The following OSBPL6 variants were observed in gnomAD, a reference collection of about 807,000 sequenced individuals.
The protein encoded by OSBPL6 is oxysterol binding protein like 6.
A neutral mutation model predicts 125.8 loss-of-function variants in OSBPL6; 49 were observed. The ratio of observed to expected loss-of-function variants is 0.39; its 90% confidence interval spans 0.31 to 0.49. OSBPL6 has a LOEUF of 0.49. Ranked by LOEUF, OSBPL6 falls within the 20% of genes least tolerant of loss-of-function variation. The pLI is 0.88. For missense variants in OSBPL6, 986 were observed against 1,135.4 expected (o/e 0.87, Z 1.89); for synonymous variants, 394 against 391.8 (o/e 1.01, Z -0.07).
At chr2:178,216,290 G>A (rs1158788106) in intron 1 of OSBPL6, among the ~76,000 whole-genome samples, 1 of 152,158 alleles carries the variant, frequency 6.6e-6, no homozygotes, top group African/African-American at 2.4e-5. Flanking sequence ...AGTGAATTGA[G>A]AAAGCAGAGG....
At position 178,392,468 on chromosome 2, in the gene OSBPL6, C is replaced by A; in HGVS notation, c.2503C>A (p.Leu835Ile). 6.2e-7 allele frequency: 1 copy of A among 1,614,096 alleles called. No individual in the cohort carries two copies. The highest frequency in any genetic ancestry group is 1.3e-5 in the African/African-American group (1 of 75,024). Reference protein sequence around the residue: ...YYGFTRFAIELNELDPVLKDL... With the variant: ...YYGFTRFAIEINELDPVLKDL... ...TGGCTTCACAAGGTTTGCTATTGAGCTCAATGAGTTAGATCCAGTACTAAA... is the reference window on the plus strand; with the variant it reads ...TGGCTTCACAAGGTTTGCTATTGAGATCAATGAGTTAGATCCAGTACTAAA... The change falls in exon 23 of 25, where the codon CTC becomes ATC. Residue 835 changes from leucine to isoleucine, a missense_variant. By Grantham distance (5) the Leu-to-Ile change is conservative. Transcript: ENST00000190611.
At chr2:178,313,683 C>T (rs1354633062) in intron 3 of OSBPL6, among the ~76,000 whole-genome samples, 5 of 152,204 alleles carry the variant, frequency 3.3e-5, no homozygotes, top group Non-Finnish European at 1.5e-5. Context: ...GTATAATGGT[C>T]CATCTTTTAA....
At chr2:178,376,998 A>G (rs1055009771) in intron 15 of OSBPL6, among the ~76,000 whole-genome samples, 2 of 152,256 alleles carry the variant, frequency 1.3e-5, no homozygotes, top group Non-Finnish European at 2.9e-5. Flanking sequence ...GACAGATATT[A>G]TGATGTTCTC....
In OSBPL6 at chr2:178,336,290, G is replaced by A; in HGVS notation, c.658-11G>A. The A allele has an allele frequency of 6.2e-7, 1 of 1,612,072 alleles. No homozygotes were observed. Among genetic ancestry groups the A allele is most frequent in the Non-Finnish European group, 8.5e-7 (1 of 1,179,294 alleles). On this transcript the variant is annotated splice_polypyrimidine_tract_variant and intron_variant, in intron 8 of 24. Coordinates refer to ENST00000190611, the MANE Select transcript of OSBPL6 (RefSeq NM_032523.4). ...TTTCATAACCATACAATTCATCTTT[G>A]TTTGCCGTAGATGCAACCAAACAGC...
At chr2:178,373,737 T>C (rs957707896) in intron 14 of OSBPL6, among the ~76,000 whole-genome samples, 153 bp from the exon 15 acceptor site, 1 of 152,238 alleles carries the variant, frequency 6.6e-6, no homozygotes, top group African/African-American at 2.4e-5. Flanking sequence ...AGGAAACTTA[T>C]ACAGTGATCA....
chr2:178,368,666 T>A (rs1474614647), intron 13 of OSBPL6, among the ~76,000 whole-genome samples: 1 of 152,074 alleles, frequency 6.6e-6, no homozygotes, highest in African/African-American at 2.4e-5. Context: ...CTACAGGAGA[T>A]CTTTGGCTTT....
At chr2:178,395,416 A>T (rs758941822) in intron 24 of OSBPL6, 35 bp from the exon 25 acceptor site, 3 of 1,483,996 alleles carry the variant, frequency 2.0e-6, no homozygotes, top group Non-Finnish European at 2.8e-6. Context: ...CCTTGATGTG[A>T]TTCATGACTA....
At chr2:178,197,706 C>A (rs2088988269) in intron 1 of OSBPL6, among the ~76,000 whole-genome samples, 1 of 151,946 alleles carries the variant, frequency 6.6e-6, no homozygotes, top group Admixed American at 6.6e-5. Context: ...TCTTATTACA[C>A]TGTATTTACC....
intron 4 of OSBPL6, among the ~76,000 whole-genome samples, chr2:178,325,042 C>T (rs146029652): frequency 2.3e-3 from 355 of 152,312 alleles, no homozygotes; most frequent in Admixed American, 5.6e-3. Flanking sequence ...CCAGTGTTCC[C>T]TCCCCTTCAG....
rs1054710978 is a variant in OSBPL6, at chr2:178,386,847, T to C, written c.2078-214T>C. ...AAACATAGATAGTGGGGGTTTTTTT[T>C]AGTTTTGTTTGTTTGTTTGTTTGTT... On this transcript the variant is annotated intron_variant, in intron 19 of 24. Coordinates refer to ENST00000190611, the MANE Select transcript of OSBPL6 (RefSeq NM_032523.4). 5.7e-4 allele frequency among the ~76,000 whole-genome samples: 86 copies of C among 151,246 alleles called. 1 individual carries two copies. Among genetic ancestry groups the C allele is most frequent in the Non-Finnish European group, 1.0e-3 (71 of 67,860 alleles).
At position 178,306,054 on chromosome 2, in the gene OSBPL6, C is replaced by T. The variant is rs1686733511; in HGVS notation, c.-131C>T. On this transcript the variant is annotated 5_prime_UTR_variant, in exon 3 of 25. Transcript: ENST00000190611. ...GGTGGTTTGGACACCCTCAATATTG[C>T]CTGCTCTTTTCTAGTCAAACCTGAT... 4 of 618,540 alleles carry T rather than the reference C, an allele frequency of 6.5e-6. No individual in the cohort carries two copies. Among genetic ancestry groups the T allele is most frequent in the Non-Finnish European group, 1.2e-5 (4 of 343,846 alleles). The allele number at this position is 618,540 out of a possible 1,614,324, so 38.3% of individuals were successfully genotyped here.
At chr2:178,334,505 G>A (rs55989867) in intron 8 of OSBPL6, among the ~76,000 whole-genome samples, 43,340 of 151,988 alleles carry the variant, frequency 0.29, 6,688 homozygotes, top group Admixed American at 0.4. Context: ...CAAACCTTAC[G>A]TTATTTATTT....
chr2:178,386,962 C>A, intron 19 of OSBPL6, 99 bp from the exon 20 acceptor site: 1 of 646,488 alleles, frequency 1.5e-6, no homozygotes, highest in Non-Finnish European at 2.5e-6. Context: ...AGTTGTCATT[C>A]CAAAGTGTTT....
At chr2:178,259,624 A>G (rs1472009012) in intron 1 of OSBPL6, among the ~76,000 whole-genome samples, 1 of 151,450 alleles carries the variant, frequency 6.6e-6, no homozygotes, top group East Asian at 1.9e-4. Flanking sequence ...CCATCCCACC[A>G]AAAAAAAGTC....
intron 15 of OSBPL6, among the ~76,000 whole-genome samples, chr2:178,374,486 G>A (rs1347534542): frequency 6.6e-6 from 1 of 152,198 alleles, no homozygotes; most frequent in East Asian, 1.9e-4. Flanking sequence ...ATAGCTAGTT[G>A]GGTAATTATG....
chr2:178,363,806 C>CA lies in OSBPL6; in HGVS notation c.1287+1998dup, dbSNP rs781429240. ...GTTGGATTTTTTATTTTTATTTTTACAAAAAAATCTCAATTTTAGCCTTAA... is the reference window on the plus strand; with the variant it reads ...GTTGGATTTTTTATTTTTATTTTTACAAAAAAAATCTCAATTTTAGCCTTAA... On this transcript the variant is annotated intron_variant, in intron 13 of 24. Transcript: ENST00000190611. Among the ~76,000 whole-genome samples the CA allele has an allele frequency of 2.0e-4, 31 of 151,876 alleles. No individual in the cohort carries two copies. In the South Asian group the frequency reaches 3.1e-3, roughly 15 times the overall value.
chr2:178,261,723 T>C (rs1284172910), intron 1 of OSBPL6, among the ~76,000 whole-genome samples: 2 of 152,196 alleles, frequency 1.3e-5, no homozygotes, highest in African/African-American at 2.4e-5. Flanking sequence ...TTATGTGAAG[T>C]GAAGAGATCA....
upstream of OSBPL6, among the ~76,000 whole-genome samples, chr2:178,193,851 T>G (rs2088665228): frequency 6.6e-6 from 1 of 152,202 alleles, no homozygotes; most frequent in Non-Finnish European, 1.5e-5. Flanking sequence ...GAACCGGCTC[T>G]TCCTTTCGCA....
chr2:178,239,786 C>T (rs975545072), intron 1 of OSBPL6, among the ~76,000 whole-genome samples: 7 of 151,370 alleles, frequency 4.6e-5, no homozygotes, highest in Admixed American at 6.6e-5. Context: ...CCCCCATGCC[C>T]GGCTAATTTT....
Sources: allele counts gnomAD v4.1 joint callset (sites outside exome capture counted in the v4.1 genomes callset), GRCh38; gene constraint gnomAD v4.1.1; transcripts MANE v1.5; gene names NCBI Gene and HGNC (gene_info 2026-07-23, HGNC 2026-07-21).